NLGN1: variants seen among roughly 807,000 people sequenced by gnomAD.
NLGN1 encodes neuroligin-1.
In NLGN1, 12 loss-of-function variants were observed where a neutral mutation model predicts 65.5. That is an observed-to-expected ratio of 0.18 (90% CI 0.12 to 0.30). The LOEUF (loss-of-function observed/expected upper bound fraction) is 0.30, where lower values mean the gene tolerates loss of function less well. Among genes scored for constraint, NLGN1 ranks in the 10% least tolerant of loss-of-function variants. NLGN1 has a pLI of 1.00. For synonymous variants in NLGN1, 350 were observed against 359.5 expected, an observed-to-expected ratio of 0.97 and a Z score of 0.30; for missense variants, 750 against 1,007.1, an observed-to-expected ratio of 0.74 and a Z score of 3.46.
intron 5 of NLGN1, 57 bp from the exon 6 acceptor site, chr3:174,278,804 G>A: frequency 7.6e-7 from 1 of 1,322,296 alleles, no homozygotes; most frequent in Non-Finnish European, 1.0e-6. Flanking sequence ...AGATGTTATT[G>A]TTTTACCACA....
chr3:173,601,601 A>G (rs1750557189), intron 2 of NLGN1, among the ~76,000 whole-genome samples: 2 of 152,044 alleles, frequency 1.3e-5, no homozygotes, highest in Admixed American at 1.3e-4. Context: ...TCACTAATGT[A>G]TACAATTTGA....
At chr3:173,903,193 G>A (rs1417716100) in intron 4 of NLGN1, among the ~76,000 whole-genome samples, 1 of 152,100 alleles carries the variant, frequency 6.6e-6, no homozygotes, top group Non-Finnish European at 1.5e-5. Flanking sequence ...TTTTTGGAGG[G>A]TAATGGCCTC....
chr3:173,855,124 G>A (rs1451623101), intron 4 of NLGN1, among the ~76,000 whole-genome samples: 1 of 151,976 alleles, frequency 6.6e-6, no homozygotes, highest in Non-Finnish European at 1.5e-5. Context: ...CAAAATGTAG[G>A]TAAATTCTTC....
chr3:173,942,428 A>G (rs1392133672), intron 4 of NLGN1, among the ~76,000 whole-genome samples: 1 of 152,112 alleles, frequency 6.6e-6, no homozygotes. Context: ...CCTAGTAGCC[A>G]TTATAGGATG....
chr3:173,807,627 C>T (rs1716947092), intron 3 of NLGN1, 53 bp from the exon 4 acceptor site: 2 of 1,582,300 alleles, frequency 1.3e-6, no homozygotes, highest in East Asian at 2.2e-5. Context: ...TTCTCTGCTT[C>T]ATTGTGTGTT....
intron 4 of NLGN1, among the ~76,000 whole-genome samples, chr3:174,044,829 C>T (rs750527763): frequency 8.5e-5 from 13 of 152,228 alleles, no homozygotes; most frequent in South Asian, 6.2e-4. Flanking sequence ...CAGTTACCCC[C>T]GTGCTGCTCT....
At chr3:173,563,520 T>C (rs1743126077) in intron 2 of NLGN1, among the ~76,000 whole-genome samples, 1 of 152,126 alleles carries the variant, frequency 6.6e-6, no homozygotes, top group Non-Finnish European at 1.5e-5. Context: ...AGCAACAACT[T>C]TATCTAATTG....
intron 2 of NLGN1, among the ~76,000 whole-genome samples, chr3:173,521,493 A>G (rs1734753033): frequency 6.6e-6 from 1 of 152,220 alleles, no homozygotes; most frequent in Non-Finnish European, 1.5e-5. Context: ...TCAAAAAGAG[A>G]GTAGTAAAGC....
chr3:173,827,274 G>A (rs1347410820), intron 4 of NLGN1, among the ~76,000 whole-genome samples: 1 of 152,080 alleles, frequency 6.6e-6, no homozygotes, highest in African/African-American at 2.4e-5. Context: ...TCCAGATTAT[G>A]TAGAGTCTGT....
chr3:173,477,741 T>G (rs1360722954), intron 2 of NLGN1, among the ~76,000 whole-genome samples: 1 of 152,140 alleles, frequency 6.6e-6, no homozygotes, highest in Non-Finnish European at 1.5e-5. Context: ...ATGTTGAGCT[T>G]TTTTTCATGT....
intron 2 of NLGN1, among the ~76,000 whole-genome samples, chr3:173,443,935 A>G (rs899796936): frequency 6.6e-6 from 1 of 152,200 alleles, no homozygotes; most frequent in Non-Finnish European, 1.5e-5. Flanking sequence ...GTGAACATGC[A>G]TTCTTGGATA....
chr3:174,075,851 G>A (rs1740790910), intron 4 of NLGN1, among the ~76,000 whole-genome samples: 1 of 152,152 alleles, frequency 6.6e-6, no homozygotes, highest in East Asian at 1.9e-4. Flanking sequence ...AAATTTCATT[G>A]CTTTAATTAA....
chr3:173,859,946 C>A (rs917030874), intron 4 of NLGN1, among the ~76,000 whole-genome samples: 1 of 151,774 alleles, frequency 6.6e-6, no homozygotes, highest in Non-Finnish European at 1.5e-5. Flanking sequence ...AATGTGTGCT[C>A]TCTTATTTTC....
chr3:173,791,085 C>T (rs745396961), intron 3 of NLGN1, among the ~76,000 whole-genome samples: 3 of 152,168 alleles, frequency 2.0e-5, no homozygotes, highest in Admixed American at 1.3e-4. Context: ...TGTCTACAGT[C>T]GTTAAAAACG....
chr3:173,696,994 G>A (rs147070399), intron 3 of NLGN1, among the ~76,000 whole-genome samples: 2 of 152,256 alleles, frequency 1.3e-5, no homozygotes, highest in Admixed American at 1.3e-4. Flanking sequence ...GTCTGATAGA[G>A]CCATAGAGCA....
chr3:174,125,672 A>G (rs559869893), intron 4 of NLGN1, among the ~76,000 whole-genome samples: 22 of 152,272 alleles, frequency 1.4e-4, no homozygotes, highest in East Asian at 5.8e-4. Context: ...CAGAATATAC[A>G]TGCACATGTC....
chr3:173,985,555 A>G (rs1428043511), intron 4 of NLGN1, among the ~76,000 whole-genome samples: 3 of 152,236 alleles, frequency 2.0e-5, no homozygotes, highest in East Asian at 1.9e-4. Flanking sequence ...TTTGACCATC[A>G]CTGGCACAAT....
intron 4 of NLGN1, among the ~76,000 whole-genome samples, chr3:173,871,254 ATTCT>A (rs1731112057): frequency 6.6e-6 from 1 of 152,198 alleles, no homozygotes; most frequent in Non-Finnish European, 1.5e-5. Flanking sequence ...GTTGATCTGT[ATTCT>A]TTCTTATATA....
chr3:173,912,188 ATTC>A (rs1179631604), intron 4 of NLGN1, among the ~76,000 whole-genome samples: 2 of 152,198 alleles, frequency 1.3e-5, no homozygotes, highest in Non-Finnish European at 1.5e-5. Flanking sequence ...TATTCACTTT[ATTC>A]TTCTTGTCTC....
Sources: allele counts gnomAD v4.1 joint callset (sites outside exome capture counted in the v4.1 genomes callset), GRCh38; gene constraint gnomAD v4.1.1; transcripts MANE v1.5; gene names NCBI Gene and HGNC (gene_info 2026-07-23, HGNC 2026-07-21).